ENTPD5: variants seen among roughly 807,000 people sequenced by gnomAD.
ENTPD5 encodes ectonucleoside triphosphate diphosphohydrolase 5 (inactive).
In ENTPD5, 49 loss-of-function variants were observed where a neutral mutation model predicts 60.2. The observed-to-expected ratio is 0.81, with a 90% CI of 0.65 to 1.03. The LOEUF (loss-of-function observed/expected upper bound fraction) is 1.03. Ranked by LOEUF, ENTPD5 falls within the 50% of genes least tolerant of loss-of-function variation. The pLI, the probability that ENTPD5 is intolerant of heterozygous loss-of-function variation, is 0.00. For synonymous variants in ENTPD5, 187 were observed against 185.4 expected, an observed-to-expected ratio of 1.01 and a Z score of -0.07; for missense variants, 480 against 507.6, an observed-to-expected ratio of 0.95 and a Z score of 0.52.
At chr14:73,955,758 A>T, downstream of ENTPD5, 1 of 1,613,852 alleles carries the variant, frequency 6.2e-7, no homozygotes, top group East Asian at 2.2e-5. Context: ...GATTGGAGTG[A>T]TGTTTCCCTC....
intron 3 of ENTPD5, among the ~76,000 whole-genome samples, chr14:74,001,990 G>A (rs984729267): frequency 3.3e-5 from 5 of 152,108 alleles, no homozygotes; most frequent in Non-Finnish European, 7.4e-5. Context: ...TGTGGTCAAA[G>A]AAACATAATC....
At chr14:74,016,865 T>C (rs7147063) in intron 1 of ENTPD5, among the ~76,000 whole-genome samples, 19,574 of 152,246 alleles carry the variant, frequency 0.13, 1,923 homozygotes, top group East Asian at 0.57. Context: ...CCCTACTCTC[T>C]TTTCTGCAGC....
In ENTPD5 at chr14:74,011,023, C is replaced by T. The variant is rs562299260; in HGVS notation, c.-71+68G>A. The stretch of plus-strand genomic sequence containing the variant: ...TCTACTGTGAGCTCTCAGCTAGGAA[C>T]AACAAAGCAGAATTTGCAGAAATCT... On this transcript the variant is annotated intron_variant, in intron 3 of 15. Transcript: ENST00000334696. 4 of 266,606 alleles carry T rather than the reference C, an allele frequency of 1.5e-5. No individual in the cohort carries two copies. In the South Asian group the frequency reaches 4.3e-4, roughly 29 times the overall value. The allele number at this position is 266,606 out of a possible 1,614,324, so 16.5% of individuals were successfully genotyped here.
At chr14:73,993,487 T>C (rs185903602) in intron 3 of ENTPD5, among the ~76,000 whole-genome samples, 293 of 152,322 alleles carry the variant, frequency 1.9e-3, no homozygotes, top group Non-Finnish European at 3.5e-3. Flanking sequence ...ACAAAATTGT[T>C]TGACCTTTTA....
rs1424873275 is a variant in ENTPD5 at position 73,964,257 on chromosome 14, A to G, written c.*2671T>C. ...TCTGTCACGTACCAGGCCATGTCCT[A>G]AGTATTTTAAATATGTTAACACATC... On this transcript the variant is annotated 3_prime_UTR_variant, in exon 16 of 16. Transcript: ENST00000334696. 6.6e-6 allele frequency: 1 copy of G among 152,242 alleles called. No individual in the cohort carries two copies. Among genetic ancestry groups the G allele is most frequent in the Non-Finnish European group, 1.5e-5 (1 of 68,046 alleles). 9.4% of individuals were successfully genotyped at this position (152,242 alleles called of 1,614,324 possible). A position where few individuals can be genotyped will look rare whatever the true frequency, so the allele number is the denominator to read the frequency against.
downstream of ENTPD5, chr14:73,963,005 C>T (rs1566696041): frequency 6.2e-7 from 1 of 1,604,548 alleles, no homozygotes; most frequent in South Asian, 1.1e-5. Context: ...AATGAGTACT[C>T]CTCTCCTAAA....
At position 73,964,357 on chromosome 14, in the gene ENTPD5, C is replaced by G. The variant is rs1191284739; in HGVS notation, c.*2571G>C. 2 of 152,098 alleles carry G rather than the reference C, an allele frequency of 1.3e-5. No homozygotes were observed. Among genetic ancestry groups the G allele is most frequent in the South Asian group, 2.1e-4 (1 of 4,832 alleles). 9.4% of individuals were successfully genotyped at this position (152,098 alleles called of 1,614,324 possible). ...TCTACTGCAGGCAGGATGGGCGTTA[C>G]AGAAAAAAATAAAAACTCTCATTCC... On this transcript the variant is annotated 3_prime_UTR_variant, in exon 16 of 16. Coordinates refer to ENST00000334696, the MANE Select transcript of ENTPD5 (RefSeq NM_001249.5).
chr14:74,006,435 C>T (rs370106310), intron 3 of ENTPD5, among the ~76,000 whole-genome samples: 16 of 152,130 alleles, frequency 1.1e-4, no homozygotes, highest in Middle Eastern at 3.4e-3. Flanking sequence ...AGGTGCCCGC[C>T]GCCACGCCCG....
intron 3 of ENTPD5, among the ~76,000 whole-genome samples, chr14:74,000,925 A>C (rs537842254): frequency 3.3e-5 from 5 of 152,300 alleles, no homozygotes; most frequent in Non-Finnish European, 5.9e-5. Flanking sequence ...ATTTCATTTA[A>C]AAATTTCCTC....
chr14:73,977,025 TG>T lies in ENTPD5; in HGVS notation c.551del (p.Thr184LysfsTer17). 3 of 1,612,380 alleles carry T rather than the reference TG, an allele frequency of 1.9e-6. No individual in the cohort carries two copies. The highest frequency in any genetic ancestry group is 2.5e-6 in the Non-Finnish European group (3 of 1,178,494). ...ILAWVTVNFL[T>X]GQLHGHRQET... ...AAGATAAACTTGAGGATGTATTACC[TG>T]TCAGAAAATTCACAGTAACCCAAGC... On this transcript the variant is annotated frameshift_variant and splice_region_variant, in exon 8 of 16. Transcript: ENST00000334696. LOFTEE classifies it high-confidence loss of function.
intron 12 of ENTPD5, 38 bp from the exon 13 acceptor site, chr14:73,973,062 A>G: frequency 6.2e-7 from 1 of 1,609,782 alleles, no homozygotes. Flanking sequence ...GGTGAGAACG[A>G]CGCTGGGGGA....
In ENTPD5 at chr14:73,975,931, C is replaced by T. The variant is rs1242652987; in HGVS notation, c.722+5G>A. 1 of 1,597,812 alleles carries T rather than the reference C, an allele frequency of 6.3e-7. No individual in the cohort carries two copies. Among genetic ancestry groups the T allele is most frequent in the Admixed American group, 1.7e-5 (1 of 59,088 alleles). ...AATATTCTTCTTCCCTGTCCCCGTCCTCACCTATGTGTATAGAGCTTATAA... is the reference window on the plus strand; with the variant it reads ...AATATTCTTCTTCCCTGTCCCCGTCTTCACCTATGTGTATAGAGCTTATAA... On this transcript the variant is annotated splice_donor_5th_base_variant and intron_variant, in intron 10 of 15. Transcript: ENST00000334696.
intron 1 of ENTPD5, among the ~76,000 whole-genome samples, chr14:74,017,903 C>T (rs539403988): frequency 6.7e-6 from 1 of 148,306 alleles, no homozygotes; most frequent in East Asian, 2.1e-4. Flanking sequence ...AGGTTTACAG[C>T]CGGGGCGGTG....
At chr14:73,975,844 T>G in intron 10 of ENTPD5, 92 bp downstream of exon 10, 1 of 1,108,666 alleles carries the variant, frequency 9.0e-7, no homozygotes, top group East Asian at 2.4e-5. Flanking sequence ...TTGTTTTTGC[T>G]AATCAGATAC....
At chr14:73,983,242 G>A (rs1187926619) in intron 5 of ENTPD5, 81 bp from the exon 6 acceptor site, 96 of 1,429,172 alleles carry the variant, frequency 6.7e-5, no homozygotes, top group Non-Finnish European at 8.9e-5. Context: ...CATACTTTGT[G>A]GGAGCAAGAA....
At chr14:74,005,393 G>A (rs2058646923) in intron 3 of ENTPD5, among the ~76,000 whole-genome samples, 1 of 112,496 alleles carries the variant, frequency 8.9e-6, no homozygotes, top group African/African-American at 3.2e-5. Flanking sequence ...TATAGGCAGG[G>A]TTTCACTATG....
intron 6 of ENTPD5, among the ~76,000 whole-genome samples, chr14:73,979,934 T>G (rs971482046): frequency 2.0e-5 from 3 of 150,888 alleles, no homozygotes; most frequent in South Asian, 4.2e-4. Context: ...AGAGTCCTTT[T>G]TTGCCATGAT....
At chr14:73,962,995 A>C (rs1393743061), downstream of ENTPD5, 2 of 1,608,286 alleles carry the variant, frequency 1.2e-6, no homozygotes, top group South Asian at 2.2e-5. Context: ...TTTGCAAGCA[A>C]ATGAGTACTC....
rs1333234331 is a variant in ENTPD5 at position 73,963,921 on chromosome 14, A to AG, written c.*3006dup. The AG allele has an allele frequency of 6.6e-6, 1 of 150,970 alleles. No individual in the cohort carries two copies. Among genetic ancestry groups the AG allele is most frequent in the Non-Finnish European group, 1.5e-5 (1 of 67,336 alleles). The allele number at this position is 150,970 out of a possible 1,614,324, so 9.4% of individuals were successfully genotyped here. ...AGAGCCATGAGAAATCTATTCTTACAGGGGTGCTTTTCAGGCAAATGCAGA... is the reference window on the plus strand; with the variant it reads ...AGAGCCATGAGAAATCTATTCTTACAGGGGGTGCTTTTCAGGCAAATGCAGA... On this transcript the variant is annotated 3_prime_UTR_variant, in exon 16 of 16. Transcript: ENST00000334696.
Sources: allele counts gnomAD v4.1 joint callset (sites outside exome capture counted in the v4.1 genomes callset), GRCh38; gene constraint gnomAD v4.1.1; transcripts MANE v1.5; gene names NCBI Gene and HGNC (gene_info 2026-07-23, HGNC 2026-07-21).